PRKAR2B: variants seen among roughly 807,000 people sequenced by gnomAD.
The protein encoded by PRKAR2B is cAMP-dependent protein kinase type II-beta regulatory subunit.
A neutral mutation model predicts 49.9 loss-of-function variants in PRKAR2B; 14 were observed. The ratio of observed to expected loss-of-function variants is 0.28; its 90% CI spans 0.19 to 0.44. The LOEUF (loss-of-function observed/expected upper bound fraction) is 0.44. Among genes scored for constraint, PRKAR2B ranks in the 20% least tolerant of loss-of-function variants. The pLI is 1.00. For synonymous variants in PRKAR2B, 196 were observed against 197.7 expected, an observed-to-expected ratio of 0.99 and a Z score of 0.07; for missense variants, 393 against 537.9, an observed-to-expected ratio of 0.73 and a Z score of 2.67.
intron 6 of PRKAR2B, among the ~76,000 whole-genome samples, chr7:107,149,530 T>C (rs1584454405): frequency 6.6e-6 from 1 of 152,032 alleles, no homozygotes; most frequent in Admixed American, 6.6e-5. Context: ...AGGGAGCTCA[T>C]TGGGATCTCT....
chr7:107,150,839 A>T (rs1795972325), intron 6 of PRKAR2B, 83 bp from the exon 7 acceptor site: 3 of 656,718 alleles, frequency 4.6e-6, no homozygotes, highest in African/African-American at 2.0e-5. Context: ...ATCTTCAATC[A>T]TTGTTTCTTG....
At chr7:107,054,860 G>T (rs1584401966) in intron 1 of PRKAR2B, among the ~76,000 whole-genome samples, 2 of 151,968 alleles carry the variant, frequency 1.3e-5, no homozygotes, top group African/African-American at 4.8e-5. Context: ...TGTACACAAC[G>T]TGCAGGTTTG....
At chr7:107,056,765 C>T (rs983545388) in intron 1 of PRKAR2B, among the ~76,000 whole-genome samples, 1 of 152,130 alleles carries the variant, frequency 6.6e-6, no homozygotes, top group African/African-American at 2.4e-5. Context: ...TAATGTTTTA[C>T]ATTACTGTAT....
intron 2 of PRKAR2B, among the ~76,000 whole-genome samples, chr7:107,117,558 A>G (rs1795299056): frequency 6.6e-6 from 1 of 152,140 alleles, no homozygotes; most frequent in African/African-American, 2.4e-5. Context: ...GACCCAGTGA[A>G]TCGTGGAGTT....
intron 4 of PRKAR2B, chr7:107,128,785 AG>A (rs1450230039): frequency 1.0e-4 from 11 of 105,282 alleles, no homozygotes; most frequent in African/African-American, 3.6e-4. Flanking sequence ...CTTTAAGGTG[AG>A]GTTTTTTTTT....
chr7:107,083,201 A>G (rs1485372936), intron 2 of PRKAR2B, among the ~76,000 whole-genome samples: 1 of 150,520 alleles, frequency 6.6e-6, no homozygotes, highest in African/African-American at 2.4e-5. Context: ...TGGGCAACAG[A>G]GCGAGACTGT....
At chr7:107,084,910 C>A (rs929790451) in intron 2 of PRKAR2B, among the ~76,000 whole-genome samples, 3 of 151,986 alleles carry the variant, frequency 2.0e-5, no homozygotes, top group Admixed American at 1.3e-4. Flanking sequence ...CAGGTGTGAG[C>A]CACCACGCCC....
intron 1 of PRKAR2B, among the ~76,000 whole-genome samples, chr7:107,050,767 A>G (rs1304713545): frequency 6.6e-6 from 1 of 152,196 alleles, no homozygotes; most frequent in Admixed American, 6.5e-5. Flanking sequence ...ATTAGAAACA[A>G]TGTGTGAAAC....
chr7:107,115,370 A>G (rs1795254239), intron 2 of PRKAR2B, among the ~76,000 whole-genome samples: 2 of 152,232 alleles, frequency 1.3e-5, no homozygotes, highest in African/African-American at 2.4e-5. Context: ...TATTTCATGA[A>G]CAGTGCCAGA....
intron 2 of PRKAR2B, among the ~76,000 whole-genome samples, chr7:107,070,716 T>TA (rs1311437636): frequency 2.0e-5 from 3 of 152,196 alleles, no homozygotes; most frequent in Non-Finnish European, 4.4e-5. Flanking sequence ...GAAACAGTGA[T>TA]AATTGAGTGA....
In PRKAR2B at chr7:107,085,593, C is replaced by T. The variant is rs1220488893; in HGVS notation, c.343+15277C>T. ...CCCAGTCCCAGTCCTAAAAAATAGCCATACCTAATAGTTTGTTGTGTATTT... is the reference window on the plus strand; with the variant it reads ...CCCAGTCCCAGTCCTAAAAAATAGCTATACCTAATAGTTTGTTGTGTATTT... On this transcript the variant is annotated intron_variant, in intron 2 of 10. Transcript: ENST00000265717. Among the ~76,000 whole-genome samples, 3 of 152,136 alleles carry T rather than the reference C, an allele frequency of 2.0e-5. No individual in the cohort carries two copies. The East Asian group carries it at 5.8e-4, about 29-fold the overall frequency.
intron 2 of PRKAR2B, among the ~76,000 whole-genome samples, chr7:107,090,488 C>T (rs952966255): frequency 5.3e-5 from 8 of 152,196 alleles, no homozygotes; most frequent in African/African-American, 1.9e-4. Flanking sequence ...AAACCCTGAC[C>T]TCACCTGGAG....
At chr7:107,088,706 C>G (rs182405429) in intron 2 of PRKAR2B, among the ~76,000 whole-genome samples, 8 of 152,056 alleles carry the variant, frequency 5.3e-5, no homozygotes, top group Non-Finnish European at 1.2e-4. Context: ...TTCAGATGAT[C>G]CTCCTGCCTC....
chr7:107,149,489 C>T (rs1795946547), intron 6 of PRKAR2B, among the ~76,000 whole-genome samples: 2 of 151,996 alleles, frequency 1.3e-5, no homozygotes, highest in African/African-American at 2.4e-5. Flanking sequence ...ACAGCGTCTT[C>T]TACTTGTGTT....
intron 7 of PRKAR2B, among the ~76,000 whole-genome samples, chr7:107,151,251 T>C (rs920991468): frequency 1.3e-5 from 2 of 152,246 alleles, no homozygotes; most frequent in African/African-American, 4.8e-5. Context: ...CCAGCATCTA[T>C]AGCAAATTTA....
intron 2 of PRKAR2B, among the ~76,000 whole-genome samples, chr7:107,116,844 C>T (rs577428054): frequency 1.3e-5 from 2 of 149,194 alleles, no homozygotes; most frequent in Non-Finnish European, 3.0e-5. Context: ...GTGCCTCTTC[C>T]CTTTACTTAG....
intron 2 of PRKAR2B, among the ~76,000 whole-genome samples, chr7:107,070,619 T>G (rs952737480): frequency 6.6e-6 from 1 of 152,226 alleles, no homozygotes; most frequent in African/African-American, 2.4e-5. Flanking sequence ...ATTCTTGCTC[T>G]TGATAGAATT....
chr7:107,126,556 C>G (rs1584442131), intron 3 of PRKAR2B, among the ~76,000 whole-genome samples: 2 of 151,946 alleles, frequency 1.3e-5, no homozygotes, highest in East Asian at 3.9e-4. Context: ...TAAAGTTGAC[C>G]AGAGCGAAGC....
chr7:107,155,654 C>T (rs546330227), intron 8 of PRKAR2B, among the ~76,000 whole-genome samples: 7 of 151,498 alleles, frequency 4.6e-5, no homozygotes, highest in African/African-American at 1.2e-4. Flanking sequence ...TTTTTGGCTG[C>T]ATAAATATCT....
Sources: gnomAD v4.1 joint callset for allele counts (sites outside exome capture counted in the v4.1 genomes callset) on GRCh38, gnomAD v4.1.1 for gene constraint, MANE v1.5 for transcripts, NCBI Gene and HGNC (gene_info 2026-07-23, HGNC 2026-07-21) for gene names.